KHDRBS2: variants seen among roughly 807,000 people sequenced by gnomAD.
KHDRBS2 encodes the protein KH domain-containing, RNA-binding, signal transduction-associated protein 2.
KHDRBS2 carries 26 observed loss-of-function variants against 44.3 expected under a neutral mutation model. That is an observed-to-expected ratio of 0.59 (90% confidence interval 0.43 to 0.81). The LOEUF (loss-of-function observed/expected upper bound fraction) is 0.81. KHDRBS2 is among the 40% of genes least tolerant of loss of function. The pLI, the probability that KHDRBS2 is intolerant of heterozygous loss-of-function variation, is 0.00. For missense variants in KHDRBS2, 476 were observed against 433.1 expected (o/e 1.10, Z -0.88); for synonymous variants, 194 against 151.1 (o/e 1.28, Z -2.08).
intron 7 of KHDRBS2, among the ~76,000 whole-genome samples, chr6:61,706,115 A>G (rs1769501678): frequency 1.3e-5 from 2 of 151,754 alleles, no homozygotes; most frequent in Admixed American, 1.3e-4. Context: ...GCTACCTCCT[A>G]ACCTGCAATC....
the KHDRBS2 span, among the ~76,000 whole-genome samples, chr6:61,629,146 T>G: frequency 6.6e-6 from 1 of 152,220 alleles, no homozygotes; most frequent in Admixed American, 6.5e-5. Flanking sequence ...TCATTTGCTG[T>G]TCTTCATTAG....
chr6:61,898,223 CAA>C (rs1803294848), intron 5 of KHDRBS2, among the ~76,000 whole-genome samples: 1 of 151,748 alleles, frequency 6.6e-6, no homozygotes, highest in Non-Finnish European at 1.5e-5. Context: ...TCATGTTATG[CAA>C]AGTTCTCTTA....
At chr6:62,078,641 C>T (rs1796807546) in intron 2 of KHDRBS2, among the ~76,000 whole-genome samples, 2 of 151,732 alleles carry the variant, frequency 1.3e-5, no homozygotes, top group African/African-American at 4.8e-5. Flanking sequence ...GAAGTCATGA[C>T]AGAAATTGAA....
At chr6:61,847,658 C>T (rs1365541049) in intron 6 of KHDRBS2, among the ~76,000 whole-genome samples, 1 of 152,024 alleles carries the variant, frequency 6.6e-6, no homozygotes, top group Non-Finnish European at 1.5e-5. Flanking sequence ...TCTTTGTAAT[C>T]TCCTAGTGGA....
chr6:61,912,284 A>C (rs184771338), intron 4 of KHDRBS2, among the ~76,000 whole-genome samples: 4 of 152,292 alleles, frequency 2.6e-5, no homozygotes, highest in African/African-American at 9.6e-5. Flanking sequence ...AGTTCCCCCC[A>C]AAAAAGATAA....
intron 6 of KHDRBS2, among the ~76,000 whole-genome samples, chr6:61,874,064 T>G (rs1466368407): frequency 6.6e-6 from 1 of 152,086 alleles, no homozygotes; most frequent in African/African-American, 2.4e-5. Context: ...ATAAAAATAG[T>G]GAAAGCTACT....
chr6:61,943,981 G>C (rs1812678401), intron 4 of KHDRBS2, among the ~76,000 whole-genome samples: 1 of 152,092 alleles, frequency 6.6e-6, no homozygotes. Context: ...TGTTAGAATA[G>C]CTATTATGAA....
intron 6 of KHDRBS2, among the ~76,000 whole-genome samples, chr6:61,756,227 T>C (rs2127570745): frequency 6.6e-6 from 1 of 152,212 alleles, no homozygotes; most frequent in African/African-American, 2.4e-5. Flanking sequence ...ATGCTTACTA[T>C]ATGTAAAGTT....
chr6:61,991,245 A>T (rs1672083321), intron 3 of KHDRBS2, among the ~76,000 whole-genome samples: 1 of 152,260 alleles, frequency 6.6e-6, no homozygotes, highest in Non-Finnish European at 1.5e-5. Context: ...ATTAGTGAGA[A>T]ATTAAAATGC....
intron 1 of KHDRBS2, among the ~76,000 whole-genome samples, chr6:62,222,245 TGAGA>T (rs570651605): frequency 3.4e-5 from 5 of 146,500 alleles, no homozygotes; most frequent in Admixed American, 1.4e-4. Flanking sequence ...ACAGAGAGAA[TGAGA>T]GAGAGAGAGA....
chr6:61,947,508 A>C (rs1813611409), intron 4 of KHDRBS2, among the ~76,000 whole-genome samples: 1 of 152,154 alleles, frequency 6.6e-6, no homozygotes, highest in Non-Finnish European at 1.5e-5. Flanking sequence ...TTTAGTGAAG[A>C]GGAGAAAAAC....
chr6:61,752,265 G>T (rs889595163), intron 6 of KHDRBS2, among the ~76,000 whole-genome samples: 1 of 152,072 alleles, frequency 6.6e-6, no homozygotes, highest in Non-Finnish European at 1.5e-5. Flanking sequence ...ACATTTAGAT[G>T]ACATCTGGAC....
At chr6:61,874,022 T>C (rs1026201671) in intron 6 of KHDRBS2, among the ~76,000 whole-genome samples, 1 of 152,044 alleles carries the variant, frequency 6.6e-6, no homozygotes, top group Non-Finnish European at 1.5e-5. Context: ...ATTAATGGTA[T>C]GAACTCTCTC....
the KHDRBS2 span, among the ~76,000 whole-genome samples, chr6:61,620,171 C>A: frequency 6.6e-6 from 1 of 151,606 alleles, no homozygotes; most frequent in Non-Finnish European, 1.5e-5. Context: ...TAAAATGAAT[C>A]AAAAAATAAA....
At chr6:62,232,510 A>G (rs529459107) in intron 1 of KHDRBS2, among the ~76,000 whole-genome samples, 5 of 152,184 alleles carry the variant, frequency 3.3e-5, no homozygotes, top group South Asian at 2.1e-4. Flanking sequence ...CACTTCCCCA[A>G]TGGAAAAAAA....
intron 3 of KHDRBS2, among the ~76,000 whole-genome samples, chr6:62,043,161 C>T (rs1473375835): frequency 2.6e-5 from 4 of 151,968 alleles, no homozygotes; most frequent in Admixed American, 6.6e-5. Context: ...GTTTATTTGT[C>T]ACAGTTTTCA....
At chr6:62,035,563 T>C (rs1323847883) in intron 3 of KHDRBS2, among the ~76,000 whole-genome samples, 1 of 151,832 alleles carries the variant, frequency 6.6e-6, no homozygotes, top group Non-Finnish European at 1.5e-5. Context: ...AAAGAATGAA[T>C]AAGACCTAGT....
chr6:61,920,368 C>G (rs1338302610), intron 4 of KHDRBS2, among the ~76,000 whole-genome samples: 2 of 151,916 alleles, frequency 1.3e-5, no homozygotes, highest in East Asian at 3.9e-4. Context: ...GTAAATTGCT[C>G]AAAATGGTAT....
chr6:61,623,382 G>C, the KHDRBS2 span, among the ~76,000 whole-genome samples: 5 of 152,162 alleles, frequency 3.3e-5, no homozygotes, highest in African/African-American at 1.2e-4. Flanking sequence ...AGCCTTAGTG[G>C]GAACATTATA....
Sources: gnomAD v4.1 joint callset for allele counts (sites outside exome capture counted in the v4.1 genomes callset) on GRCh38, gnomAD v4.1.1 for gene constraint, MANE v1.5 for transcripts, NCBI Gene and HGNC (gene_info 2026-07-23, HGNC 2026-07-21) for gene names.